DNAJB14: variants seen among roughly 807,000 people sequenced by gnomAD.
DNAJB14 encodes dnaJ homolog subfamily B member 14.
Under a neutral mutation model 48.4 loss-of-function variants are expected in DNAJB14, and 22 were observed. The ratio of observed to expected loss-of-function variants is 0.45; its 90% CI spans 0.32 to 0.65. DNAJB14 has a LOEUF of 0.65. DNAJB14 is among the 30% of genes least tolerant of loss of function. The pLI is 0.03. For missense variants in DNAJB14, 319 were observed against 458.8 expected (o/e 0.70, Z 2.78); for synonymous variants, 142 against 158.7 (o/e 0.89, Z 0.79).
At chr4:99,935,622 C>T (rs760486683) in intron 1 of DNAJB14, among the ~76,000 whole-genome samples, 28 of 152,278 alleles carry the variant, frequency 1.8e-4, no homozygotes, top group Non-Finnish European at 2.5e-4. Flanking sequence ...ACTGTAGATA[C>T]GGTTTGAATA....
At chr4:99,906,655 A>C in intron 4 of DNAJB14, 44 bp from the exon 5 acceptor site, 1 of 1,432,612 alleles carries the variant, frequency 7.0e-7, no homozygotes, top group East Asian at 2.3e-5. Flanking sequence ...AGCAATTATG[A>C]TCAGAAAAAA....
chr4:99,906,139 C>T (rs1403700927), intron 5 of DNAJB14: 3 of 1,316,904 alleles, frequency 2.3e-6, no homozygotes, highest in Non-Finnish European at 3.0e-6. Flanking sequence ...CTTTCCACTT[C>T]ATGTAATTAA....
intron 7 of DNAJB14, 82 bp downstream of exon 7, chr4:99,903,644 T>C (rs1336187965): frequency 7.0e-7 from 1 of 1,420,100 alleles, no homozygotes; most frequent in Non-Finnish European, 9.5e-7. Context: ...TTCCAGAACA[T>C]TCCTTGAATA....
intron 1 of DNAJB14, among the ~76,000 whole-genome samples, chr4:99,931,841 A>G (rs2110216578): frequency 6.6e-6 from 1 of 152,114 alleles, no homozygotes; most frequent in South Asian, 2.1e-4. Context: ...GAAAAGAAAA[A>G]ACAAAATAAA....
At chr4:99,935,856 T>C (rs959079486) in intron 1 of DNAJB14, among the ~76,000 whole-genome samples, 1 of 151,972 alleles carries the variant, frequency 6.6e-6, no homozygotes, top group Non-Finnish European at 1.5e-5. Flanking sequence ...TCACTTGAGG[T>C]CAAGAATTTG....
rs1264341234 is a variant in DNAJB14 at position 99,899,346 on chromosome 4, T to C, written c.*1682A>G. 5 of 152,130 alleles carry C rather than the reference T, an allele frequency of 3.3e-5. No individual in the cohort carries two copies. The highest frequency in any genetic ancestry group is 5.9e-5 in the Non-Finnish European group (4 of 67,766). 9.4% of individuals were successfully genotyped at this position (152,130 alleles called of 1,614,324 possible). A position where few individuals can be genotyped will look rare whatever the true frequency, so the allele number is the denominator to read the frequency against. On this transcript the variant is annotated 3_prime_UTR_variant, in exon 8 of 8. Coordinates refer to ENST00000442697, the MANE Select transcript of DNAJB14 (RefSeq NM_001031723.4). ...TGAACTTATATTTTTAAAAACTTAC[T>C]CTGCAGGCTCAACAAAATAATTAAA...
Position 99,899,540 on chromosome 4 carries a change from C to G in DNAJB14, c.*1488G>C, listed in dbSNP as rs1725227591. On this transcript the variant is annotated 3_prime_UTR_variant, in exon 8 of 8. Coordinates refer to ENST00000442697, the MANE Select transcript of DNAJB14 (RefSeq NM_001031723.4). ...ACCTGGAAAAGGGGATACAACAGAA[C>G]ATTTTTAAGAGGTCATTTTAGCAGT... 6.6e-6 allele frequency: 1 copy of G among 151,956 alleles called. No individual in the cohort carries two copies. Among genetic ancestry groups the G allele is most frequent in the African/African-American group, 2.4e-5 (1 of 41,330 alleles). 9.4% of individuals were successfully genotyped at this position (151,956 alleles called of 1,614,324 possible).
chr4:99,936,021 T>C (rs936593009), intron 1 of DNAJB14, among the ~76,000 whole-genome samples: 3 of 152,174 alleles, frequency 2.0e-5, no homozygotes, highest in East Asian at 1.9e-4. Flanking sequence ...TAAGCCATGA[T>C]TGTGCCACTG....
At chr4:99,906,260 CAA>C in intron 5 of DNAJB14, 1 of 1,234,710 alleles carries the variant, frequency 8.1e-7, no homozygotes, top group Non-Finnish European at 1.1e-6. Flanking sequence ...GTTACCTTCA[CAA>C]CATGCATAGT....
At chr4:99,909,040 A>G (rs533839381) in intron 3 of DNAJB14, 144 bp from the exon 4 acceptor site, 2 of 521,330 alleles carry the variant, frequency 3.8e-6, no homozygotes, top group East Asian at 6.8e-5. Context: ...TTAAAGATAT[A>G]CATTGTTTGC....
At chr4:99,923,007 C>T in intron 3 of DNAJB14, 33 bp downstream of exon 3, 1 of 1,571,534 alleles carries the variant, frequency 6.4e-7, no homozygotes, top group Non-Finnish European at 8.6e-7. Context: ...CTAAAGACAG[C>T]TTAGTAAAAT....
chr4:99,939,886 T>C (rs549329515), intron 1 of DNAJB14, among the ~76,000 whole-genome samples: 1 of 152,364 alleles, frequency 6.6e-6, no homozygotes, highest in African/African-American at 2.4e-5. Context: ...ATGGGATCTC[T>C]TTTACAATAA....
In DNAJB14 at chr4:99,896,942, T is replaced by A. The variant is rs1346898769; in HGVS notation, c.*4086A>T. 6.6e-6 allele frequency: 1 copy of A among 152,112 alleles called. No individual in the cohort carries two copies. The highest frequency in any genetic ancestry group is 2.1e-4 in the South Asian group (1 of 4,830). 9.4% of individuals were successfully genotyped at this position (152,112 alleles called of 1,614,324 possible). ...CAAGGACATTTCAAGAAATACTTCT[T>A]ACCCCTATGTATTTCCAGATGGCTG... On this transcript the variant is annotated 3_prime_UTR_variant, in exon 8 of 8. Coordinates refer to ENST00000442697, the MANE Select transcript of DNAJB14 (RefSeq NM_001031723.4).
chr4:99,906,750 CTCTCCTCTTGTAA>C, intron 4 of DNAJB14, 139 bp from the exon 5 acceptor site: 1 of 641,224 alleles, frequency 1.6e-6, no homozygotes, highest in South Asian at 2.1e-5. Flanking sequence ...ACTTATTGCC[CTCTCCTCTTGTAA>C]GTGAAGGGTG....
intron 1 of DNAJB14, among the ~76,000 whole-genome samples, chr4:99,944,532 G>A (rs1246344567): frequency 1.3e-5 from 2 of 151,744 alleles, no homozygotes; most frequent in African/African-American, 2.4e-5. Flanking sequence ...TATATACAAT[G>A]GAATATTATT....
chr4:99,932,386 A>G (rs1375566549), intron 1 of DNAJB14, among the ~76,000 whole-genome samples: 1 of 152,144 alleles, frequency 6.6e-6, no homozygotes, highest in African/African-American at 2.4e-5. Context: ...CAAACAAACA[A>G]ATGGTCAATA....
intron 1 of DNAJB14, among the ~76,000 whole-genome samples, chr4:99,937,943 A>AT (rs1190511979): frequency 6.7e-6 from 1 of 148,150 alleles, no homozygotes; most frequent in Non-Finnish European, 1.5e-5. Flanking sequence ...AAAAAAAAAA[A>AT]GTTGAGGGAA....
At chr4:99,938,126 A>AAAAAAAAAAAAAAC (rs1726752204) in intron 1 of DNAJB14, among the ~76,000 whole-genome samples, 1 of 123,678 alleles carries the variant, frequency 8.1e-6, no homozygotes, top group Non-Finnish European at 1.7e-5. Flanking sequence ...AAAAAAAAAA[A>AAAAAAAAAAAAAAC]ATAGCTGGGC....
chr4:99,906,058 A>T (rs1037846226), intron 5 of DNAJB14: 23 of 1,313,104 alleles, frequency 1.8e-5, no homozygotes, highest in Non-Finnish European at 2.3e-5. Flanking sequence ...AGGGTAGAAG[A>T]TGGGAGCTGA....
Sources: allele counts gnomAD v4.1 joint callset (sites outside exome capture counted in the v4.1 genomes callset), GRCh38; gene constraint gnomAD v4.1.1; transcripts MANE v1.5; gene names NCBI Gene and HGNC (gene_info 2026-07-23, HGNC 2026-07-21).